Variants in ITGA11 observed in about 807,000 individuals in gnomAD.
The protein encoded by ITGA11 is integrin subunit alpha 11, also known as integrin alpha-11.
ITGA11 carries 97 observed loss-of-function variants against 141.9 expected under a neutral mutation model. The ratio of observed to expected loss-of-function variants is 0.68; its 90% confidence interval spans 0.58 to 0.81. The LOEUF (loss-of-function observed/expected upper bound fraction) is 0.81, where lower values mean the gene tolerates loss of function less well. ITGA11 is among the 30% of genes least tolerant of loss of function. ITGA11 has a pLI of 0.00. For missense variants in ITGA11, 1,387 were observed against 1,559.2 expected, an observed-to-expected ratio of 0.89 and a Z score of 1.86; for synonymous variants, 658 against 624.6, an observed-to-expected ratio of 1.05 and a Z score of -0.80.
chr15:68,317,344 A>G lies in ITGA11; in HGVS notation c.2636T>C (p.Ile879Thr), dbSNP rs776718548. 7.4e-6 allele frequency: 12 copies of G among 1,612,844 alleles called. No homozygotes were observed. The highest frequency in any genetic ancestry group is 1.0e-5 in the Non-Finnish European group (12 of 1,178,996). ...CCTCCTCTCCTCGTTCACACACTCA[A>G]TGCTACCGTCTGAGTCCTCCTGGAG... Reference protein sequence around the residue: ...LIQKEDSDGSIECVNEERRLQ... With the variant: ...LIQKEDSDGSTECVNEERRLQ... Residue 879 changes from isoleucine (I) to threonine (T), a missense_variant, in exon 21 of 30, where the codon ATT (isoleucine) becomes ACT (threonine). Ile to Thr is a moderately conservative substitution (Grantham distance 89, BLOSUM62 -1). Coordinates refer to ENST00000315757, the MANE Select transcript of ITGA11 (RefSeq NM_001004439.2).
intron 11 of ITGA11, among the ~76,000 whole-genome samples, chr15:68,336,809 G>A (rs183147849): frequency 4.9e-4 from 75 of 152,326 alleles, no homozygotes; most frequent in Admixed American, 1.7e-3. Flanking sequence ...GTGCATCTGC[G>A]TATCTGTGTG....
At chr15:68,372,418 G>A (rs1258669252) in intron 2 of ITGA11, among the ~76,000 whole-genome samples, 6 of 152,158 alleles carry the variant, frequency 3.9e-5, no homozygotes, top group Non-Finnish European at 5.9e-5. Flanking sequence ...ACCTCCTGGC[G>A]TGGGCACCAG....
chr15:68,358,931 G>T (rs550812428), intron 5 of ITGA11, among the ~76,000 whole-genome samples: 1 of 152,350 alleles, frequency 6.6e-6, no homozygotes, highest in East Asian at 1.9e-4. Context: ...GCTGTAATGA[G>T]CAGGCTGGCA....
At chr15:68,402,819 G>C (rs1445008395) in intron 2 of ITGA11, 99 bp downstream of exon 2, 8 of 757,074 alleles carry the variant, frequency 1.1e-5, no homozygotes, top group Non-Finnish European at 1.8e-5. Context: ...CAGTCTCCAT[G>C]TGAGGGCCAG....
In ITGA11 at chr15:68,386,147, T is replaced by C. The variant is rs117485759; in HGVS notation, c.164+16771A>G. ...CTATAGAGAGGTCCCCAAGGAGAGA[T>C]GGGTATTAACCTGATCAACCTATGC... On this transcript the variant is annotated intron_variant, in intron 2 of 29. Transcript: ENST00000315757. 2.2e-3 allele frequency among the ~76,000 whole-genome samples: 329 copies of C among 152,248 alleles called. 1 individual carries two copies. Among genetic ancestry groups the C allele is most frequent in the Non-Finnish European group, 3.8e-3 (261 of 67,992 alleles).
chr15:68,405,403 A>G (rs911610635), intron 1 of ITGA11, among the ~76,000 whole-genome samples: 1 of 152,078 alleles, frequency 6.6e-6, no homozygotes, highest in African/African-American at 2.4e-5. Context: ...ACTACCTGCT[A>G]TGGGTACAGG....
At chr15:68,310,380 G>A (rs1389688234) in intron 26 of ITGA11, among the ~76,000 whole-genome samples, 1 of 152,190 alleles carries the variant, frequency 6.6e-6, no homozygotes, top group African/African-American at 2.4e-5. Context: ...CTTTGTGGGA[G>A]GTACTTGTCT....
chr15:68,400,546 T>TATATATATA (rs946655977), intron 2 of ITGA11, among the ~76,000 whole-genome samples: 3 of 118,020 alleles, frequency 2.5e-5, no homozygotes, highest in African/African-American at 3.2e-5. Context: ...ATACAGAATA[T>TATATATATA]ATATATATAA....
Position 68,326,407 on chromosome 15 carries a change from T to C in ITGA11, c.2211+247A>G, listed in dbSNP as rs1045655473. Among the ~76,000 whole-genome samples the C allele has an allele frequency of 3.9e-5, 6 of 152,058 alleles. No individual in the cohort carries two copies. The highest frequency in any genetic ancestry group is 2.1e-4 in the South Asian group (1 of 4,810). ...GCTGGACCTACTGAGCCCACCTTCC[T>C]CCCTTCGGCATCTGAGAGTGGCAGG... On this transcript the variant is annotated intron_variant, in intron 17 of 29. Transcript: ENST00000315757. The surrounding 1 kb of genome is among the most constrained non-coding windows in gnomAD (Gnocchi z 6.8).
intron 2 of ITGA11, among the ~76,000 whole-genome samples, chr15:68,376,146 C>G (rs1479559317): frequency 1.3e-5 from 2 of 152,014 alleles, no homozygotes; most frequent in African/African-American, 2.4e-5. Flanking sequence ...TCACTGGGCT[C>G]AAAGCCCCAG....
chr15:68,310,934 A>G (rs1297841154), intron 26 of ITGA11, 60 bp downstream of exon 26: 2 of 1,314,786 alleles, frequency 1.5e-6, no homozygotes, highest in African/African-American at 1.5e-5. Context: ...TGGCCCGCAG[A>G]GCACCGGCGG....
At chr15:68,380,023 A>G (rs1293125163) in intron 2 of ITGA11, among the ~76,000 whole-genome samples, 1 of 152,262 alleles carries the variant, frequency 6.6e-6, no homozygotes, top group South Asian at 2.1e-4. Flanking sequence ...TACACACCCA[A>G]CTGTCTCCAG....
chr15:68,430,541 G>C (rs547913082), intron 1 of ITGA11, among the ~76,000 whole-genome samples: 37 of 152,162 alleles, frequency 2.4e-4, no homozygotes, highest in Non-Finnish European at 4.6e-4. Context: ...TCCTTCCCAA[G>C]GTTCTGATGC....
At chr15:68,338,143 C>T (rs1023271350) in intron 11 of ITGA11, among the ~76,000 whole-genome samples, 1 of 152,242 alleles carries the variant, frequency 6.6e-6, no homozygotes, top group African/African-American at 2.4e-5. Context: ...ACTTCCAGCA[C>T]AGGGCTGTAC....
At chr15:68,369,100 C>T in intron 3 of ITGA11, 84 bp downstream of exon 3, 1 of 928,328 alleles carries the variant, frequency 1.1e-6, no homozygotes, top group Middle Eastern at 2.4e-4. Flanking sequence ...GTCAGTGTGA[C>T]CATGGACATG....
intron 2 of ITGA11, among the ~76,000 whole-genome samples, chr15:68,377,447 A>G (rs1895756209): frequency 7.2e-6 from 1 of 138,912 alleles, no homozygotes; most frequent in Non-Finnish European, 1.6e-5. Flanking sequence ...TAATTTTTGT[A>G]TTATTAGTAG....
At chr15:68,346,997 G>A (rs1039019808) in intron 10 of ITGA11, among the ~76,000 whole-genome samples, 2 of 152,306 alleles carry the variant, frequency 1.3e-5, no homozygotes, top group Non-Finnish European at 2.9e-5. Context: ...AAGAACTGCC[G>A]TTCAGGATTG....
intron 2 of ITGA11, among the ~76,000 whole-genome samples, chr15:68,400,129 C>T (rs970177546): frequency 5.3e-5 from 8 of 151,952 alleles, no homozygotes; most frequent in African/African-American, 1.7e-4. Flanking sequence ...TATGGTCACC[C>T]GATTTTCAAC....
intron 2 of ITGA11, among the ~76,000 whole-genome samples, chr15:68,375,562 G>C (rs1477456781): frequency 6.6e-6 from 1 of 152,178 alleles, no homozygotes; most frequent in Admixed American, 6.5e-5. Flanking sequence ...GGAGAAGTTG[G>C]CACCTGCAGG....
Sources: gnomAD v4.1 joint callset for allele counts (sites outside exome capture counted in the v4.1 genomes callset) on GRCh38, gnomAD v4.1.1 for gene constraint, Gnocchi (gnomAD v3.1) non-coding constraint, MANE v1.5 for transcripts, NCBI Gene and HGNC (gene_info 2026-07-23, HGNC 2026-07-21) for gene names.